The following LARP1 variants were observed in gnomAD, a reference collection of about 807,000 sequenced individuals.
LARP1 encodes La ribonucleoprotein 1, translational regulator.
In LARP1, 36 loss-of-function variants were observed where a neutral mutation model predicts 122.7. That is an observed-to-expected ratio of 0.29 (90% CI 0.22 to 0.39). The LOEUF (loss-of-function observed/expected upper bound fraction) is 0.39, where lower values mean the gene tolerates loss of function less well. Among genes scored for constraint, LARP1 ranks in the 10% least tolerant of loss-of-function variants. The pLI is 1.00. For missense variants in LARP1, 1,040 were observed against 1,403.6 expected, an observed-to-expected ratio of 0.74 and a Z score of 4.14; for synonymous variants, 539 against 528.7, an observed-to-expected ratio of 1.02 and a Z score of -0.27.
rs1423125131 is a variant in LARP1 at position 154,803,047 on chromosome 5, T to A, written c.2110-243T>A. Among the ~76,000 whole-genome samples, 1 of 152,214 alleles carries A rather than the reference T, an allele frequency of 6.6e-6. No homozygotes were observed. Among genetic ancestry groups the A allele is most frequent in the Admixed American group, 6.5e-5 (1 of 15,288 alleles). ...AGTTCCTGAGGAGCTACTGTCAGCC[T>A]GATCTCAGTCTTACTACAGGGAGGG... On this transcript the variant is annotated intron_variant, in intron 11 of 18. Transcript: ENST00000518297. The surrounding 1 kb of genome is among the most constrained non-coding windows in gnomAD (Gnocchi z 4.4).
intron 1 of LARP1, among the ~76,000 whole-genome samples, chr5:154,756,941 T>G (rs1315735644): frequency 6.8e-6 from 1 of 147,310 alleles, no homozygotes; most frequent in African/African-American, 2.5e-5. Flanking sequence ...TGCGGCGACT[T>G]GAGGGGCGTG....
intron 1 of LARP1, among the ~76,000 whole-genome samples, chr5:154,722,697 T>C (rs1471460107): frequency 1.3e-5 from 2 of 150,122 alleles, no homozygotes; most frequent in East Asian, 3.9e-4. Flanking sequence ...TTTTTTTTTT[T>C]TGAGACGGAG....
At chr5:154,780,033 G>A (rs1756292252) in intron 1 of LARP1, among the ~76,000 whole-genome samples, 1 of 152,068 alleles carries the variant, frequency 6.6e-6, no homozygotes, top group Non-Finnish European at 1.5e-5. Context: ...GCAGCTCCTG[G>A]GAAGCAAGGC....
intron 1 of LARP1, among the ~76,000 whole-genome samples, chr5:154,737,267 C>T (rs1050079620): frequency 2.6e-4 from 39 of 151,736 alleles, no homozygotes; most frequent in African/African-American, 9.2e-4. Flanking sequence ...TCTCAAACTC[C>T]TGACCTCAAG....
chr5:154,811,166 A>T (rs1393458442), intron 16 of LARP1, 81 bp from the exon 17 acceptor site: 1 of 1,012,540 alleles, frequency 9.9e-7, no homozygotes, highest in African/African-American at 1.6e-5. Flanking sequence ...AAACTGTTTC[A>T]TAGTTCCTCT....
Position 154,815,595 on chromosome 5 carries a change from C to A in LARP1, c.*1499C>A, listed in dbSNP as rs974260226. 1 of 152,218 alleles carries A rather than the reference C, an allele frequency of 6.6e-6. No homozygotes were observed. The highest frequency in any genetic ancestry group is 6.5e-5 in the Admixed American group (1 of 15,280). 9.4% of individuals were successfully genotyped at this position (152,218 alleles called of 1,614,324 possible). On this transcript the variant is annotated 3_prime_UTR_variant, in exon 19 of 19. Coordinates refer to ENST00000518297, the MANE Select transcript of LARP1 (RefSeq NM_033551.3). ...TGGTGGAGTCTCCCCATCTTGCATA[C>A]CCTTCTGCAAGCCATCTATCTCTGC...
Position 154,813,896 on chromosome 5 carries a change from G to A in LARP1, c.3091G>A (p.Gly1031Ser), listed in dbSNP as rs774760161. Reference protein sequence around the residue: ...LEDFRVDPPMGEEGNHKRHSV... With the variant: ...LEDFRVDPPMSEEGNHKRHSV... ...CCTTCCTCTGTTGCAGCCCCCCATGGGTGAGGAGGGCAACCACAAGCGACA... is the reference window on the plus strand; with the variant it reads ...CCTTCCTCTGTTGCAGCCCCCCATGAGTGAGGAGGGCAACCACAAGCGACA... The change falls in exon 19 of 19, where the codon GGT becomes AGT. Residue 1031 changes from glycine to serine, a missense_variant. By Grantham distance (56) the Gly-to-Ser change is moderately conservative. Around this residue, in one of 8 missense-constraint regions of LARP1, gnomAD observed 129 missense variants for 160.8 expected, o/e 0.80. Transcript: ENST00000518297. The A allele has an allele frequency of 1.9e-5, 31 of 1,613,550 alleles. No individual in the cohort carries two copies. The highest frequency in any genetic ancestry group is 2.6e-5 in the Non-Finnish European group (31 of 1,179,750).
chr5:154,696,085 G>C (rs371494070), intron 1 of LARP1, among the ~76,000 whole-genome samples: 1 of 151,996 alleles, frequency 6.6e-6, no homozygotes, highest in Non-Finnish European at 1.5e-5. Flanking sequence ...GGCTGGGCAC[G>C]GTGGCTCACT....
At chr5:154,807,636 G>A (rs576663206) in intron 15 of LARP1, among the ~76,000 whole-genome samples, 1 of 152,156 alleles carries the variant, frequency 6.6e-6, no homozygotes, top group Non-Finnish European at 1.5e-5. Context: ...CTGCAGTCTC[G>A]AACTATTGGG....
chr5:154,717,380 T>G (rs1039994496), intron 1 of LARP1, among the ~76,000 whole-genome samples: 6 of 152,188 alleles, frequency 3.9e-5, no homozygotes, highest in Admixed American at 1.3e-4. Context: ...TGGGCCCTGG[T>G]CCTAGTGCTG....
At chr5:154,799,208 G>A (rs142842637) in intron 8 of LARP1, among the ~76,000 whole-genome samples, 209 of 152,248 alleles carry the variant, frequency 1.4e-3, no homozygotes, top group African/African-American at 5.0e-3. Context: ...TGCATATGCT[G>A]TAAATATTTA....
chr5:154,755,350 T>C (rs1275656806), upstream of LARP1, among the ~76,000 whole-genome samples: 2 of 149,676 alleles, frequency 1.3e-5, no homozygotes, highest in Admixed American at 6.6e-5. Context: ...CGTGGTCTGC[T>C]TGGCTCGCCG....
chr5:154,748,834 C>T (rs1258081496), intron 1 of LARP1, among the ~76,000 whole-genome samples: 1 of 152,176 alleles, frequency 6.6e-6, no homozygotes, highest in African/African-American at 2.4e-5. Context: ...GATTCACAGT[C>T]ATGACCTCAC....
At position 154,817,498 on chromosome 5, in the gene LARP1, A is replaced by G. The variant is rs1166688443; in HGVS notation, c.*3402A>G. On this transcript the variant is annotated 3_prime_UTR_variant, in exon 19 of 19. Coordinates refer to ENST00000518297, the MANE Select transcript of LARP1 (RefSeq NM_033551.3). ...AGTATCTGCTTTCCAGGCTGAAGTGATTCATTCATTATTCTAGTCCTGCTT... is the reference window on the plus strand; with the variant it reads ...AGTATCTGCTTTCCAGGCTGAAGTGGTTCATTCATTATTCTAGTCCTGCTT... 1 of 152,650 alleles carries G rather than the reference A, an allele frequency of 6.6e-6. No individual in the cohort carries two copies. Among genetic ancestry groups the G allele is most frequent in the Non-Finnish European group, 1.5e-5 (1 of 68,050 alleles). The allele number at this position is 152,650 out of a possible 1,614,324, so 9.5% of individuals were successfully genotyped here.
At chr5:154,701,675 G>T (rs555885343) in intron 1 of LARP1, among the ~76,000 whole-genome samples, 1 of 150,380 alleles carries the variant, frequency 6.6e-6, no homozygotes, top group Admixed American at 6.6e-5. Flanking sequence ...GGGCTGGAGT[G>T]CAGTGGTGTG....
In LARP1 at chr5:154,806,046, G is replaced by T. The variant is rs544664866; in HGVS notation, c.2698+14G>T. 1 of 1,612,914 alleles carries T rather than the reference G, an allele frequency of 6.2e-7. No homozygotes were observed. Among genetic ancestry groups the T allele is most frequent in the African/African-American group, 1.3e-5 (1 of 74,960 alleles). ...GCTGCCTTAATGGTAAGAAGTGTGG[G>T]GGGCAGGAGATGAGCCTCTGGGCCC... On this transcript the variant is annotated intron_variant, in intron 15 of 18. Transcript: ENST00000518297.
chr5:154,808,330 G>T (rs1414120908), intron 15 of LARP1, 129 bp from the exon 16 acceptor site: 11 of 1,084,728 alleles, frequency 1.0e-5, no homozygotes, highest in Non-Finnish European at 1.4e-5. Flanking sequence ...TGACTGAGTG[G>T]CAGATGATGA....
rs1158010359 is a variant in LARP1, at chr5:154,797,221, G to GTTTT, written c.1377+1928_1377+1931dup. On this transcript the variant is annotated intron_variant, in intron 8 of 18. Coordinates refer to ENST00000518297, the MANE Select transcript of LARP1 (RefSeq NM_033551.3). ...GGAGTTATTCTGTTTTGTTGTTGTTGTTTTTTTTTTTTTTTTTTTTTTTTT... is the reference window on the plus strand; with the variant it reads ...GGAGTTATTCTGTTTTGTTGTTGTTGTTTTTTTTTTTTTTTTTTTTTTTTTTTTT... 3.1e-3 allele frequency among the ~76,000 whole-genome samples: 93 copies of GTTTT among 29,770 alleles called. 8 individuals carry two copies. Among genetic ancestry groups the GTTTT allele is most frequent in the East Asian group, 6.0e-3 (5 of 828 alleles). 19.5% of individuals were successfully genotyped at this position (29,770 alleles called of 152,430 possible).
At chr5:154,749,715 T>C (rs1425449273) in intron 1 of LARP1, among the ~76,000 whole-genome samples, 1 of 152,212 alleles carries the variant, frequency 6.6e-6, no homozygotes, top group Non-Finnish European at 1.5e-5. Flanking sequence ...CCCACTCACT[T>C]TGTGTCAGTA....
Sources: allele counts gnomAD v4.1 joint callset (sites outside exome capture counted in the v4.1 genomes callset), GRCh38; gene constraint gnomAD v4.1.1; regional missense constraint gnomAD v4.1.1; non-coding constraint Gnocchi (gnomAD v3.1); transcripts MANE v1.5; gene names NCBI Gene and HGNC (gene_info 2026-07-23, HGNC 2026-07-21).